The following GPC5 variants were observed in gnomAD, a reference collection of about 807,000 sequenced individuals.
The protein encoded by GPC5 is glypican-5.
In GPC5, 47 loss-of-function variants were observed where a neutral mutation model predicts 53.9. That is an observed-to-expected ratio of 0.87 (90% CI 0.69 to 1.11). The LOEUF is 1.11. Ranked by LOEUF, GPC5 falls within the 50% of genes most tolerant of loss-of-function variation. The pLI, the probability that GPC5 is intolerant of heterozygous loss-of-function variation, is 0.00. For missense variants in GPC5, 748 were observed against 713.1 expected (o/e 1.05, Z -0.56); for synonymous variants, 286 against 263.3 (o/e 1.09, Z -0.84).
At chr13:92,599,240 A>G (rs934847999) in intron 7 of GPC5, among the ~76,000 whole-genome samples, 6 of 152,220 alleles carry the variant, frequency 3.9e-5, no homozygotes, top group Admixed American at 6.5e-5. Flanking sequence ...AATACTGTGC[A>G]GTGAGTGCAA....
chr13:92,358,744 A>G (rs1373398077), intron 7 of GPC5, among the ~76,000 whole-genome samples: 1 of 151,742 alleles, frequency 6.6e-6, no homozygotes, highest in Admixed American at 6.6e-5. Flanking sequence ...CTTTTTAGCT[A>G]TGGCTAGAGC....
chr13:91,813,917 C>T (rs1248338492), intron 5 of GPC5, among the ~76,000 whole-genome samples: 3 of 124,784 alleles, frequency 2.4e-5, no homozygotes, highest in African/African-American at 9.0e-5. Flanking sequence ...ATTATCTTAA[C>T]TGATTTTTTT....
At chr13:91,707,987 A>G (rs1035186912) in intron 3 of GPC5, among the ~76,000 whole-genome samples, 1 of 152,196 alleles carries the variant, frequency 6.6e-6, no homozygotes, top group Non-Finnish European at 1.5e-5. Flanking sequence ...AAAGGAACGA[A>G]GTACTGTTAC....
intron 7 of GPC5, among the ~76,000 whole-genome samples, chr13:92,264,195 C>T (rs2139145355): frequency 6.6e-6 from 1 of 152,102 alleles, no homozygotes; most frequent in East Asian, 1.9e-4. Context: ...TCTAAATTAT[C>T]AGGTCAGCTC....
intron 6 of GPC5, among the ~76,000 whole-genome samples, chr13:92,144,360 A>G (rs1272895605): frequency 6.6e-6 from 1 of 152,176 alleles, no homozygotes; most frequent in Non-Finnish European, 1.5e-5. Flanking sequence ...ATAAATGTAT[A>G]TGTCTAAAAT....
chr13:92,413,830 T>TTTGAGAGA (rs1441556754), intron 7 of GPC5, among the ~76,000 whole-genome samples: 1 of 152,210 alleles, frequency 6.6e-6, no homozygotes, highest in Non-Finnish European at 1.5e-5. Context: ...GATGAGGCTA[T>TTTGAGAGA]TTGAGAGATT....
chr13:92,543,932 A>G (rs1020833346), intron 7 of GPC5, among the ~76,000 whole-genome samples: 1 of 151,832 alleles, frequency 6.6e-6, no homozygotes, highest in Non-Finnish European at 1.5e-5. Context: ...ATCAAAATAC[A>G]TGCTAATGTT....
intron 7 of GPC5, among the ~76,000 whole-genome samples, chr13:92,179,102 C>A (rs1170572312): frequency 6.6e-6 from 1 of 152,136 alleles, no homozygotes; most frequent in East Asian, 1.9e-4. Flanking sequence ...TCATTAGCAT[C>A]TTTTTCTCCT....
intron 4 of GPC5, among the ~76,000 whole-genome samples, chr13:91,731,332 G>A (rs2036692177): frequency 6.6e-6 from 1 of 152,174 alleles, no homozygotes; most frequent in African/African-American, 2.4e-5. Flanking sequence ...AATAGGCGAG[G>A]TAAGTAGCGA....
intron 7 of GPC5, among the ~76,000 whole-genome samples, chr13:92,606,432 G>T (rs1884263368): frequency 6.6e-6 from 1 of 152,114 alleles, no homozygotes; most frequent in Admixed American, 6.5e-5. Flanking sequence ...CTTTTTTATG[G>T]CTGCATAGTG....
chr13:92,669,815 G>C (rs1886688001), intron 7 of GPC5, among the ~76,000 whole-genome samples: 2 of 152,066 alleles, frequency 1.3e-5, no homozygotes, highest in Admixed American at 6.6e-5. Flanking sequence ...CACCTACTCA[G>C]GAGTCCTCTC....
chr13:92,302,521 ACTTTTTGTAT>A (rs1566528632), intron 7 of GPC5, among the ~76,000 whole-genome samples: 1 of 152,166 alleles, frequency 6.6e-6, no homozygotes, highest in East Asian at 1.9e-4. Context: ...TTTTTATTCT[ACTTTTTGTAT>A]TAATTCTCTG....
At chr13:92,679,788 A>C (rs1324519223) in intron 7 of GPC5, among the ~76,000 whole-genome samples, 3 of 152,060 alleles carry the variant, frequency 2.0e-5, no homozygotes, top group Non-Finnish European at 2.9e-5. Context: ...ATTTACATGA[A>C]TTGCTCTGTG....
intron 2 of GPC5, among the ~76,000 whole-genome samples, chr13:91,662,227 G>A (rs2035004382): frequency 6.6e-6 from 1 of 152,150 alleles, no homozygotes; most frequent in Admixed American, 6.6e-5. Context: ...TTGGCAGAAG[G>A]AAGACCAAGA....
At position 92,721,563 on chromosome 13, in the gene GPC5, T is replaced by C. The variant is rs1888509390; in HGVS notation, c.1562-144719T>C. The C allele has an allele frequency of 2.0e-5, 3 of 152,052 alleles. No individual in the cohort carries two copies. The South Asian group carries it at 6.2e-4, about 31-fold the overall frequency. 9.4% of individuals were successfully genotyped at this position (152,052 alleles called of 1,614,324 possible). On this transcript the variant is annotated intron_variant, in intron 7 of 7. Coordinates refer to ENST00000377067, the MANE Select transcript of GPC5 (RefSeq NM_004466.6). Reference sequence around the variant, plus strand: ...ATCCCTTGCTGTCAGACAGTCACTGTTCACGGCAACCTTTGTTGAAGTGCT... The same window carrying C: ...ATCCCTTGCTGTCAGACAGTCACTGCTCACGGCAACCTTTGTTGAAGTGCT...
intron 7 of GPC5, among the ~76,000 whole-genome samples, chr13:92,264,224 T>C (rs995379002): frequency 6.6e-6 from 1 of 152,086 alleles, no homozygotes; most frequent in African/African-American, 2.4e-5. Flanking sequence ...GTAAATATAC[T>C]AATATACTAA....
At chr13:92,416,985 G>A (rs568088973) in intron 7 of GPC5, among the ~76,000 whole-genome samples, 147 of 152,230 alleles carry the variant, frequency 9.7e-4, no homozygotes, top group Middle Eastern at 6.8e-3. Context: ...TTCAACTTAC[G>A]ATGGTTTATT....
chr13:91,452,426 T>C (rs1228198990), intron 2 of GPC5, among the ~76,000 whole-genome samples: 1 of 152,184 alleles, frequency 6.6e-6, no homozygotes. Context: ...TAAGTAGTGC[T>C]GTTTGCAAGG....
At chr13:91,682,175 A>G (rs1186585658) in intron 2 of GPC5, among the ~76,000 whole-genome samples, 1 of 152,202 alleles carries the variant, frequency 6.6e-6, no homozygotes, top group African/African-American at 2.4e-5. Flanking sequence ...AGGAATGATT[A>G]ATAATACAAT....
Sources: gnomAD v4.1 joint callset for allele counts (sites outside exome capture counted in the v4.1 genomes callset) on GRCh38, gnomAD v4.1.1 for gene constraint, MANE v1.5 for transcripts, NCBI Gene and HGNC (gene_info 2026-07-23, HGNC 2026-07-21) for gene names.